The following UBR2 variants were observed in gnomAD, a reference collection of about 807,000 sequenced individuals.
UBR2 encodes the protein ubiquitin protein ligase E3 component n-recognin 2.
In UBR2, 92 loss-of-function variants were observed where a neutral mutation model predicts 247.9. That is an observed-to-expected ratio of 0.37 (90% CI 0.31 to 0.44). UBR2 has a LOEUF of 0.44. UBR2 is among the 20% of genes least tolerant of loss of function. UBR2 has a pLI of 1.00. For missense variants in UBR2, 1,613 were observed against 2,112.6 expected (o/e 0.76, Z 4.64); for synonymous variants, 672 against 693.5 (o/e 0.97, Z 0.49).
intron 7 of UBR2, among the ~76,000 whole-genome samples, chr6:42,609,660 A>G (rs1205431362): frequency 6.6e-6 from 1 of 152,076 alleles, no homozygotes; most frequent in African/African-American, 2.4e-5. Flanking sequence ...CAAGGCAGGC[A>G]GATTGCTTAA....
At chr6:42,574,084 T>C (rs1791344916) in intron 2 of UBR2, 91 bp downstream of exon 2, 4 of 1,270,210 alleles carry the variant, frequency 3.1e-6, no homozygotes, top group South Asian at 3.4e-5. Flanking sequence ...TTAAAAATTA[T>C]GAAATACCAT....
Position 42,674,041 on chromosome 6 carries a change from A to C in UBR2, c.4184-85A>C, listed in dbSNP as rs141727741. On this transcript the variant is annotated intron_variant, in intron 37 of 46. Transcript: ENST00000372901. ...GCTTATAAATTCTCATGTGTCTTGC[A>C]AGAAGATAAATTTAAAGCAGATTAT... 203 of 1,436,132 alleles carry C rather than the reference A, an allele frequency of 1.4e-4. No homozygotes were observed. In the East Asian group the frequency reaches 4.3e-3, roughly 30 times the overall value. The allele number at this position is 1,436,132 out of a possible 1,614,324, so 89.0% of individuals were successfully genotyped here. A position where few individuals can be genotyped will look rare whatever the true frequency, so the allele number is the denominator to read the frequency against.
rs1020233299 is a variant in UBR2, at chr6:42,663,524, T to C, written c.3698+105T>C. ...CTTAGTCTAGGCAATTGCATAGTGT[T>C]TTCCAGATACTTTCCAAACTCTAAT... On this transcript the variant is annotated intron_variant, in intron 32 of 46. Transcript: ENST00000372901. 9.3e-6 allele frequency: 11 copies of C among 1,185,022 alleles called. No homozygotes were observed. In the African/African-American group the frequency reaches 1.6e-4, roughly 17 times the overall value. 73.4% of individuals were successfully genotyped at this position (1,185,022 alleles called of 1,614,324 possible).
intron 8 of UBR2, among the ~76,000 whole-genome samples, chr6:42,614,332 ATGTGTATGTGTGTATGTATG>A (rs1794335511): frequency 1.3e-5 from 1 of 78,464 alleles, no homozygotes; most frequent in Admixed American, 1.3e-4. Flanking sequence ...ATATGTGTAT[ATGTGTATGTGTGTATGTATG>A]TGTGTATATA....
At chr6:42,590,563 TAGC>T (rs1254315838) in intron 2 of UBR2, among the ~76,000 whole-genome samples, 2 of 152,164 alleles carry the variant, frequency 1.3e-5, no homozygotes, top group Non-Finnish European at 2.9e-5. Context: ...AAAATTAAAG[TAGC>T]AGTTTTCATA....
intron 8 of UBR2, 90 bp downstream of exon 8, chr6:42,612,381 A>G: frequency 7.9e-7 from 1 of 1,271,708 alleles, no homozygotes; most frequent in Non-Finnish European, 1.0e-6. Context: ...ATCAACTGGA[A>G]TAATTTCCTG....
chr6:42,648,537 T>C (rs1796920005), intron 22 of UBR2, among the ~76,000 whole-genome samples: 1 of 152,260 alleles, frequency 6.6e-6, no homozygotes, highest in Non-Finnish European at 1.5e-5. Flanking sequence ...AGCCTCTCAA[T>C]GCCACCTTCT....
chr6:42,617,466 G>A lies in UBR2; in HGVS notation c.1240G>A (p.Val414Ile), dbSNP rs1794633511. The change falls in exon 11 of 47, where the codon GTC (valine) becomes ATC (isoleucine). Residue 414 changes from valine (V) to isoleucine (I), a missense_variant. Physicochemically the swap from Val to Ile is conservative, Grantham distance 29. This residue lies in a region of UBR2 where 1,524 missense variants were observed against 1,967.3 expected (regional missense o/e 0.77). Transcript: ENST00000372901. ...VTDDHDREFS[V>I]ADLSVQIFTV... ...AGATGACCACGACAGAGAGTTTTCA[G>A]TCGCAGACCTCTCGGTTCAGATATT... is the stretch of plus-strand genomic sequence containing the variant. 6.4e-7 allele frequency: 1 copy of A among 1,557,050 alleles called. No homozygotes were observed. Among genetic ancestry groups the A allele is most frequent in the Non-Finnish European group, 8.7e-7 (1 of 1,149,776 alleles).
chr6:42,585,407 G>C (rs73438672), intron 2 of UBR2, among the ~76,000 whole-genome samples: 3,331 of 152,230 alleles, frequency 0.022, 112 homozygotes, highest in African/African-American at 0.075. Context: ...CTCTTGTAAT[G>C]TGTTTGTCCG....
intron 7 of UBR2, among the ~76,000 whole-genome samples, chr6:42,611,238 G>A (rs1438609880): frequency 6.6e-6 from 1 of 151,356 alleles, no homozygotes; most frequent in Non-Finnish European, 1.5e-5. Flanking sequence ...CGAGGTGGGG[G>A]GATCACGAGA....
chr6:42,582,845 CT>C (rs1472171930), intron 2 of UBR2, among the ~76,000 whole-genome samples: 1 of 151,336 alleles, frequency 6.6e-6, no homozygotes, highest in Admixed American at 6.6e-5. Context: ...CATTATAGTT[CT>C]TTTTTTCTTT....
chr6:42,613,929 C>T (rs1299028407), intron 8 of UBR2, among the ~76,000 whole-genome samples: 4 of 151,138 alleles, frequency 2.6e-5, no homozygotes, highest in African/African-American at 9.7e-5. Flanking sequence ...AATCCCAGCA[C>T]TTTGAGAGGC....
At chr6:42,678,330 C>G (rs1048130405) in intron 40 of UBR2, among the ~76,000 whole-genome samples, 1 of 152,102 alleles carries the variant, frequency 6.6e-6, no homozygotes, top group African/African-American at 2.4e-5. Flanking sequence ...AGCGAGACTC[C>G]GTCTCAAAAA....
chr6:42,680,649 G>A (rs1798985756), intron 42 of UBR2, among the ~76,000 whole-genome samples: 1 of 152,158 alleles, frequency 6.6e-6, no homozygotes. Flanking sequence ...TTATATTTGA[G>A]AAAAGTGAAG....
intron 11 of UBR2, among the ~76,000 whole-genome samples, chr6:42,627,934 G>GATTA (rs1308215023): frequency 1.3e-5 from 2 of 152,198 alleles, no homozygotes; most frequent in African/African-American, 4.8e-5. Flanking sequence ...AAGGCAAGAT[G>GATTA]AAGTCAATTA....
At chr6:42,577,585 T>TTTGTATAAA (rs1791607857) in intron 2 of UBR2, among the ~76,000 whole-genome samples, 1 of 152,148 alleles carries the variant, frequency 6.6e-6, no homozygotes, top group African/African-American at 2.4e-5. Flanking sequence ...TTGATTTTGA[T>TTTGTATAAA]AATTGTATAT....
In UBR2 at chr6:42,618,184, C is replaced by T. The variant is rs35917067; in HGVS notation, c.1281+677C>T. Among the ~76,000 whole-genome samples the T allele has an allele frequency of 8.5e-3, 1,300 of 152,202 alleles. 8 individuals are homozygous for T. Among genetic ancestry groups the T allele is most frequent in the Non-Finnish European group, 0.015 (991 of 68,004 alleles). ...ATAATCAGAATCACAATGAAAATTC[C>T]GTTGGTTTGAGAGAAAATAACAAGA... is the stretch of plus-strand genomic sequence containing the variant. On this transcript the variant is annotated intron_variant, in intron 11 of 46. Transcript: ENST00000372901.
At chr6:42,645,969 C>T (rs955306348) in intron 21 of UBR2, among the ~76,000 whole-genome samples, 1 of 152,146 alleles carries the variant, frequency 6.6e-6, no homozygotes. Context: ...AGTGCCTACT[C>T]ACCTATACTG....
chr6:42,582,019 C>G (rs1245431070), intron 2 of UBR2, among the ~76,000 whole-genome samples: 1 of 152,110 alleles, frequency 6.6e-6, no homozygotes, highest in Admixed American at 6.6e-5. Context: ...TGCGGTGGCT[C>G]ACACCTGTAA....
Sources: gnomAD v4.1 joint callset for allele counts (sites outside exome capture counted in the v4.1 genomes callset) on GRCh38, gnomAD v4.1.1 for gene constraint, gnomAD v4.1.1 regional missense constraint, MANE v1.5 for transcripts, NCBI Gene and HGNC (gene_info 2026-07-23, HGNC 2026-07-21) for gene names.